The following CACNA1I variants were observed in gnomAD, a reference collection of about 807,000 sequenced individuals.
The protein encoded by CACNA1I is voltage-dependent T-type calcium channel subunit alpha-1I.
In CACNA1I, 74 loss-of-function variants were observed where a neutral mutation model predicts 201.6. The ratio of observed to expected loss-of-function variants is 0.37; its 90% CI spans 0.30 to 0.45. CACNA1I has a LOEUF of 0.45. CACNA1I is among the 20% of genes least tolerant of loss of function. The pLI, the probability that CACNA1I is intolerant of heterozygous loss-of-function variation, is 1.00. For missense variants in CACNA1I, 2,346 were observed against 3,138.1 expected, an observed-to-expected ratio of 0.75 and a Z score of 6.03; for synonymous variants, 1,431 against 1,345.2, an observed-to-expected ratio of 1.06 and a Z score of -1.40.
At chr22:39,618,837 G>T (rs1428113707) in intron 3 of CACNA1I, among the ~76,000 whole-genome samples, 1 of 152,148 alleles carries the variant, frequency 6.6e-6, no homozygotes, top group African/African-American at 2.4e-5. Flanking sequence ...TCTGCCTCTT[G>T]AGGGAGATCT....
intron 34 of CACNA1I, among the ~76,000 whole-genome samples, chr22:39,681,483 C>T (rs9607667): frequency 0.42 from 63,126 of 152,092 alleles, 15,257 homozygotes; most frequent in East Asian, 0.95. Context: ...GTTTGTCTGC[C>T]GCACGGCTCT....
intron 7 of CACNA1I, 83 bp from the exon 8 acceptor site, chr22:39,646,486 C>A (rs1934489722): frequency 2.0e-6 from 3 of 1,469,004 alleles, no homozygotes; most frequent in Middle Eastern, 1.9e-4. Flanking sequence ...CCTGCTGTCC[C>A]CACTCCATGA....
Position 39,684,377 on chromosome 22 carries a change from T to C in CACNA1I, c.5906T>C (p.Val1969Ala). 3 of 1,613,572 alleles carry C rather than the reference T, an allele frequency of 1.9e-6. No homozygotes were observed. The East Asian group carries it at 6.7e-5, about 36-fold the overall frequency. The change falls in exon 36 of 37, where the codon GTG becomes GCG. Residue 1969 changes from valine to alanine, a missense_variant. Physicochemically the swap from Val to Ala is moderately conservative, Grantham distance 64 (BLOSUM62 0). Transcript: ENST00000402142. This position sits in a 1 kb window ranked among gnomAD's most constrained non-coding sequence, Gnocchi z 4.6. ...CCAGCCGAGTTCTTCCACCCTGCAG[T>C]GTCTGCCAGCCAGAAAGGCCCAGAA... Reference protein sequence around the residue: ...PMPAEFFHPAVSASQKGPEKG... With the variant: ...PMPAEFFHPAASASQKGPEKG...
At chr22:39,619,160 T>C in intron 3 of CACNA1I, 150 bp from the exon 4 acceptor site, 2 of 650,534 alleles carry the variant, frequency 3.1e-6, no homozygotes, top group Non-Finnish European at 5.5e-6. Flanking sequence ...CCAGGCCACA[T>C]GTTGGCCAGG....
At chr22:39,637,196 TTA>T (rs1934241301) in intron 5 of CACNA1I, among the ~76,000 whole-genome samples, 1 of 152,080 alleles carries the variant, frequency 6.6e-6, no homozygotes, top group Admixed American at 6.5e-5. Flanking sequence ...GTGTTGAAAA[TTA>T]GGCCTCAGGA....
intron 1 of CACNA1I, among the ~76,000 whole-genome samples, chr22:39,585,838 A>G (rs551764415): frequency 7.3e-6 from 1 of 137,846 alleles, no homozygotes; most frequent in South Asian, 2.5e-4. Context: ...AGCTGGGGCT[A>G]TAGTGCACCA....
intron 26 of CACNA1I, among the ~76,000 whole-genome samples, 198 bp from the exon 27 acceptor site, chr22:39,672,001 A>T (rs1935389604): frequency 6.6e-6 from 1 of 152,226 alleles, no homozygotes; most frequent in African/African-American, 2.4e-5. Context: ...CATAAATAAG[A>T]AAAAGGGAAC....
chr22:39,651,715 C>G (rs1934654439), intron 10 of CACNA1I, among the ~76,000 whole-genome samples: 1 of 152,224 alleles, frequency 6.6e-6, no homozygotes, highest in Admixed American at 6.5e-5. Context: ...CTGGAGCCAG[C>G]TGGTGAGGGC....
chr22:39,592,460 T>C (rs1229784001), intron 1 of CACNA1I, among the ~76,000 whole-genome samples: 1 of 152,110 alleles, frequency 6.6e-6, no homozygotes, highest in African/African-American at 2.4e-5. Context: ...TTTCCATCAG[T>C]GCAATGAGGG....
chr22:39,686,627 C>CATATATATATATATATATATATATATAT lies in CACNA1I; in HGVS notation c.*248_*249insATATATATATATATATATATATATATAT, dbSNP rs72041195. ...ATACATACATATATATATATATATG[C>CATATATATATATATATATATATATATAT]ATATATATATATATATATATATATA... On this transcript the variant is annotated 3_prime_UTR_variant, in exon 37 of 37. Coordinates refer to ENST00000402142, the MANE Select transcript of CACNA1I (RefSeq NM_021096.4). 43 of 127,048 alleles carry CATATATATATATATATATATATATATAT rather than the reference C, an allele frequency of 3.4e-4. No homozygotes were observed. The highest frequency in any genetic ancestry group is 7.4e-4 in the Admixed American group (9 of 12,132). 7.9% of individuals were successfully genotyped at this position (127,048 alleles called of 1,614,324 possible).
intron 15 of CACNA1I, 132 bp from the exon 16 acceptor site, chr22:39,660,975 TG>T: frequency 2.7e-6 from 2 of 736,554 alleles, no homozygotes; most frequent in Non-Finnish European, 4.7e-6. Context: ...GAAGACTTCC[TG>T]GTAGAGGAAG....
chr22:39,662,903 G>A (rs766314349), intron 18 of CACNA1I, 27 bp downstream of exon 18: 10 of 1,395,862 alleles, frequency 7.2e-6, no homozygotes, highest in African/African-American at 7.1e-5. Context: ...CTGGGGTGAG[G>A]GTTAGAGTAG....
Position 39,659,960 on chromosome 22 carries a change from C to T in CACNA1I, c.2604+108C>T. 1 of 1,242,166 alleles carries T rather than the reference C, an allele frequency of 8.1e-7. No individual in the cohort carries two copies. The highest frequency in any genetic ancestry group is 1.2e-6 in the Non-Finnish European group (1 of 866,842). The allele number at this position is 1,242,166 out of a possible 1,614,324, so 76.9% of individuals were successfully genotyped here. ...GGCTGCAATTCAAACTTCTAGCAGG[C>T]AACCTATCCCTAAAGGAGGGGGTTG... On this transcript the variant is annotated intron_variant, in intron 14 of 36. Transcript: ENST00000402142. This position sits in a 1 kb window ranked among gnomAD's most constrained non-coding sequence, Gnocchi z 4.3.
At chr22:39,582,547 C>T (rs1932590252) in intron 1 of CACNA1I, among the ~76,000 whole-genome samples, 1 of 152,096 alleles carries the variant, frequency 6.6e-6, no homozygotes, top group Non-Finnish European at 1.5e-5. Context: ...TCTCTTGAAG[C>T]TCTGAAAGTG....
At chr22:39,640,117 G>A (rs749695078) in intron 5 of CACNA1I, among the ~76,000 whole-genome samples, 4 of 152,162 alleles carry the variant, frequency 2.6e-5, no homozygotes, top group Non-Finnish European at 5.9e-5. Flanking sequence ...AGCCCGGCTC[G>A]GTGGCTCACA....
chr22:39,654,252 G>T (rs1934745890), intron 10 of CACNA1I, among the ~76,000 whole-genome samples: 1 of 152,220 alleles, frequency 6.6e-6, no homozygotes, highest in African/African-American at 2.4e-5. Flanking sequence ...GGAAGGCATT[G>T]CTCCTAGGAG....
rs552855621 is a variant in CACNA1I, at chr22:39,657,366, C to T, written c.1993-786C>T. On this transcript the variant is annotated intron_variant, in intron 10 of 36. Transcript: ENST00000402142. ...CTCCCTGGGTCTGAATGTCCTCCTC[C>T]GAGAGCTGCTGGGAGTGCTAAGAGC... Among the ~76,000 whole-genome samples the T allele has an allele frequency of 7.2e-5, 11 of 152,304 alleles. No individual in the cohort carries two copies. In the South Asian group the frequency reaches 1.2e-3, roughly 17 times the overall value.
Position 39,601,839 on chromosome 22 carries a change from C to G in CACNA1I, c.482+1186C>G, listed in dbSNP as rs1455662133. Among the ~76,000 whole-genome samples the G allele has an allele frequency of 3.2e-5, 4 of 125,928 alleles. No homozygotes were observed. In the East Asian group the frequency reaches 9.7e-4, roughly 31 times the overall value. The allele number at this position is 125,928 out of a possible 152,430, so 82.6% of individuals were successfully genotyped here. On this transcript the variant is annotated intron_variant, in intron 3 of 36. Transcript: ENST00000402142. ...TCGCTTTCTCTCCTTCCTTCCTTCC[C>G]TCCCTCCCTCCCTCCCTCCTTCCTT...
In CACNA1I at chr22:39,660,357, G is replaced by A. The variant is rs770598577; in HGVS notation, c.2618G>A (p.Arg873His). Residue 873 changes from arginine to histidine, a missense_variant, in exon 15 of 37, where the codon CGC becomes CAC. Arg to His is a conservative substitution (Grantham distance 29, BLOSUM62 0). Transcript: ENST00000402142. The part of the protein sequence containing the change: ...EGFQAEGDAN[R>H]SYSDEDQSSS... ...ATGCTCTCCCAGGGTGACGCCAATC[G>A]CTCCTACTCGGACGAGGACCAGAGC... The A allele has an allele frequency of 3.3e-5, 53 of 1,612,396 alleles. No individual in the cohort carries two copies. Among genetic ancestry groups the A allele is most frequent in the Non-Finnish European group, 4.2e-5 (49 of 1,179,418 alleles).
Sources: gnomAD v4.1 joint callset for allele counts (sites outside exome capture counted in the v4.1 genomes callset) on GRCh38, gnomAD v4.1.1 for gene constraint, Gnocchi (gnomAD v3.1) non-coding constraint, MANE v1.5 for transcripts, NCBI Gene and HGNC (gene_info 2026-07-23, HGNC 2026-07-21) for gene names.